COL28A1: variants seen among roughly 807,000 people sequenced by gnomAD.
COL28A1 encodes collagen type XXVIII alpha 1 chain, also known as collagen alpha-1(XXVIII) chain.
COL28A1 carries 161 observed loss-of-function variants against 150.2 expected under a neutral mutation model. The observed-to-expected ratio is 1.07, with a 90% confidence interval of 0.94 to 1.22. The LOEUF is 1.22. Among genes scored for constraint, COL28A1 ranks in the 50% most tolerant of loss-of-function variants. The probability of loss-of-function intolerance (pLI) is 0.00; values close to 1 mark genes in which losing one functional copy is unlikely to be tolerated. For missense variants in COL28A1, 1,617 were observed against 1,388.3 expected, an observed-to-expected ratio of 1.16 and a Z score of -2.62; for synonymous variants, 552 against 469.7, an observed-to-expected ratio of 1.18 and a Z score of -2.26.
At chr7:7,439,858 G>T (rs1280714341) in intron 21 of COL28A1, among the ~76,000 whole-genome samples, 2 of 152,176 alleles carry the variant, frequency 1.3e-5, no homozygotes, top group Admixed American at 1.3e-4. Flanking sequence ...TCATCCCCAG[G>T]TGATACCGAT....
At chr7:7,474,116 A>C (rs1788681837) in intron 15 of COL28A1, among the ~76,000 whole-genome samples, 1 of 146,746 alleles carries the variant, frequency 6.8e-6, no homozygotes, top group Admixed American at 6.7e-5. Context: ...AGTCATAAAA[A>C]GGAATGAATT....
chr7:7,377,763 C>T (rs1781637753), intron 30 of COL28A1, among the ~76,000 whole-genome samples: 1 of 139,622 alleles, frequency 7.2e-6, no homozygotes, highest in South Asian at 2.4e-4. Flanking sequence ...GAGAGATGAT[C>T]ATAGCAGCCA....
intron 25 of COL28A1, among the ~76,000 whole-genome samples, chr7:7,427,804 A>G (rs1251627925): frequency 6.6e-6 from 1 of 152,240 alleles, no homozygotes; most frequent in Admixed American, 6.5e-5. Flanking sequence ...TTTTGACAAT[A>G]GAAAAGCTAG....
At chr7:7,494,508 G>A (rs1352226315) in intron 11 of COL28A1, among the ~76,000 whole-genome samples, 3 of 152,218 alleles carry the variant, frequency 2.0e-5, no homozygotes, top group East Asian at 1.9e-4. Flanking sequence ...GCATTGTTGA[G>A]AGGATTCAAG....
At chr7:7,444,531 C>T (rs751248769) in intron 18 of COL28A1, 42 bp from the exon 19 acceptor site, 37 of 1,585,800 alleles carry the variant, frequency 2.3e-5, no homozygotes, top group Admixed American at 1.3e-4. Flanking sequence ...AAGTTCATAC[C>T]TCCATTCTGA....
At chr7:7,363,758 T>G (rs1383535240) in intron 33 of COL28A1, among the ~76,000 whole-genome samples, 2 of 152,092 alleles carry the variant, frequency 1.3e-5, no homozygotes, top group African/African-American at 4.8e-5. Context: ...TATACTATAT[T>G]ATGATCATTC....
At chr7:7,474,571 G>C in intron 15 of COL28A1, 30 bp downstream of exon 15, 1 of 907,454 alleles carries the variant, frequency 1.1e-6, no homozygotes, top group East Asian at 2.4e-5. Flanking sequence ...TATTGGCATT[G>C]TTTCCAGTGT....
chr7:7,531,587 C>A lies in COL28A1; in HGVS notation c.442G>T (p.Gly148Trp), dbSNP rs1049634466. Residue 148 changes from glycine (G) to tryptophan (W), a missense_variant, in exon 3 of 35, where the codon GGG becomes TGG. By Grantham distance (184) the Gly-to-Trp change is radical. Coordinates refer to ENST00000399429, the MANE Select transcript of COL28A1 (RefSeq NM_001037763.3). ...ACCACTTTCACACCATCCTTACGCC[C>A]TTCTCTCTTAAGTAGCCTAGTGGCA... ...SNATRLLKRE[G>W]RKDGVKVVLL... 2 of 1,604,468 alleles carry A rather than the reference C, an allele frequency of 1.2e-6. No individual in the cohort carries two copies. Among genetic ancestry groups the A allele is most frequent in the Non-Finnish European group, 1.7e-6 (2 of 1,171,208 alleles).
At chr7:7,385,777 C>A (rs558592184) in intron 27 of COL28A1, among the ~76,000 whole-genome samples, 8 of 152,274 alleles carry the variant, frequency 5.3e-5, no homozygotes, top group Non-Finnish European at 8.8e-5. Flanking sequence ...ACTGTTAACA[C>A]TATAGATATT....
At chr7:7,456,474 A>T (rs1254403322) in intron 15 of COL28A1, among the ~76,000 whole-genome samples, 2 of 152,226 alleles carry the variant, frequency 1.3e-5, no homozygotes, top group African/African-American at 4.8e-5. Flanking sequence ...TAAAAATAGA[A>T]TGAGAGATAA....
chr7:7,436,446 A>AG lies in COL28A1; in HGVS notation c.1808dup (p.Gly604TrpfsTer6). On this transcript the variant is annotated frameshift_variant, in exon 23 of 35. Coordinates refer to ENST00000399429, the MANE Select transcript of COL28A1 (RefSeq NM_001037763.3). LOFTEE classifies it high-confidence loss of function. ...GTTCTCCCTTAAATCCAGGTATCCC[A>AG]GGTCCTCCTCTATCTCCCTGTACAT... The AG allele has an allele frequency of 1.4e-6, 2 of 1,397,508 alleles. No individual in the cohort carries two copies. The highest frequency in any genetic ancestry group is 2.3e-5 in the South Asian group (2 of 86,724). The allele number at this position is 1,397,508 out of a possible 1,614,324, so 86.6% of individuals were successfully genotyped here. A position where few individuals can be genotyped will look rare whatever the true frequency, so the allele number is the denominator to read the frequency against.
At chr7:7,358,885 T>A in intron 34 of COL28A1, 80 bp from the exon 35 acceptor site, 1 of 1,172,488 alleles carries the variant, frequency 8.5e-7, no homozygotes, top group South Asian at 1.7e-5. Flanking sequence ...TAAAGTTATA[T>A]AAATAAACTT....
chr7:7,492,604 AAAAAAAAG>A (rs1779978808), intron 11 of COL28A1, among the ~76,000 whole-genome samples: 1 of 120,740 alleles, frequency 8.3e-6, no homozygotes, highest in East Asian at 2.4e-4. Context: ...AAAAAAAAAA[AAAAAAAAG>A]GTCTGTTGAC....
chr7:7,425,953 C>G (rs369401197), intron 25 of COL28A1, among the ~76,000 whole-genome samples: 1 of 152,062 alleles, frequency 6.6e-6, no homozygotes, highest in Non-Finnish European at 1.5e-5. Context: ...GATTATTTTC[C>G]TCCCCCTTAC....
intron 11 of COL28A1, among the ~76,000 whole-genome samples, chr7:7,499,104 A>G (rs1350328210): frequency 3.3e-5 from 5 of 152,166 alleles, no homozygotes; most frequent in African/African-American, 9.7e-5. Flanking sequence ...CTTGGTGGGC[A>G]GATGTGCATG....
chr7:7,454,804 C>T (rs1452845462), intron 16 of COL28A1, among the ~76,000 whole-genome samples: 1 of 152,182 alleles, frequency 6.6e-6, no homozygotes, highest in Non-Finnish European at 1.5e-5. Context: ...AACTAAAAGG[C>T]TTGAGAATGT....
intron 27 of COL28A1, among the ~76,000 whole-genome samples, chr7:7,383,260 G>A (rs1186403572): frequency 1.5e-5 from 2 of 134,300 alleles, no homozygotes; most frequent in Non-Finnish European, 3.1e-5. Flanking sequence ...TTGTGTGTGT[G>A]TGTGTGTGTG....
At chr7:7,374,038 A>AAAAAAAAAAAATATATATATAT in intron 31 of COL28A1, among the ~76,000 whole-genome samples, 19 of 113,656 alleles carry the variant, frequency 1.7e-4, no homozygotes, top group African/African-American at 7.2e-4. Context: ...AAAAAAAAAA[A>AAAAAAAAAAAATATATATATAT]ATATATATAT....
intron 27 of COL28A1, among the ~76,000 whole-genome samples, chr7:7,415,680 C>T (rs778843203): frequency 3.3e-5 from 5 of 151,308 alleles, no homozygotes; most frequent in African/African-American, 4.9e-5. Context: ...ATTACAGGTA[C>T]GCACCACCAT....
Sources: allele counts gnomAD v4.1 joint callset (sites outside exome capture counted in the v4.1 genomes callset), GRCh38; gene constraint gnomAD v4.1.1; transcripts MANE v1.5; gene names NCBI Gene and HGNC (gene_info 2026-07-23, HGNC 2026-07-21).